The following TEK variants were observed in gnomAD, a reference collection of about 807,000 sequenced individuals.
The protein encoded by TEK is angiopoietin-1 receptor.
TEK carries 43 observed loss-of-function variants against 131.8 expected under a neutral mutation model. The observed-to-expected ratio is 0.33, with a 90% confidence interval of 0.26 to 0.42. The LOEUF is 0.42. TEK is among the 10% of genes least tolerant of loss of function. The pLI is 1.00. For synonymous variants in TEK, 580 were observed against 491.6 expected, an observed-to-expected ratio of 1.18 and a Z score of -2.38; for missense variants, 1,162 against 1,384.4, an observed-to-expected ratio of 0.84 and a Z score of 2.55.
At position 27,168,505 on chromosome 9, in the gene TEK, A is replaced by C. The variant is rs745757561; in HGVS notation, c.375A>C (p.Leu125=). 6.2e-7 allele frequency: 1 copy of C among 1,613,384 alleles called. No individual in the cohort carries two copies. The highest frequency in any genetic ancestry group is 8.5e-7 in the Non-Finnish European group (1 of 1,179,414). The change falls in exon 3 of 23, where the codon CTA becomes CTC. Residue 125 remains leucine (L), a synonymous_variant. Coordinates refer to ENST00000380036, the MANE Select transcript of TEK (RefSeq NM_000459.5). ...TCTCTCTTTTAAAAGCTTCCTTCCTACCAGCTACTTTAACTATGACTGTGG... is the reference window on the plus strand; with the variant it reads ...TCTCTCTTTTAAAAGCTTCCTTCCTCCCAGCTACTTTAACTATGACTGTGG... The part of the protein sequence containing the change: ...TMKMRQQASF[L]PATLTMTVDK...
chr9:27,139,322 A>ATTTTTTTT (rs1158698852), intron 1 of TEK, among the ~76,000 whole-genome samples: 5 of 86,920 alleles, frequency 5.8e-5, no homozygotes, highest in Non-Finnish European at 8.8e-5. Context: ...AGCTTTAACA[A>ATTTTTTTT]TTTTTTTTTT....
chr9:27,201,536 G>A (rs1335119997), intron 12 of TEK, among the ~76,000 whole-genome samples: 2 of 152,094 alleles, frequency 1.3e-5, no homozygotes, highest in Non-Finnish European at 2.9e-5. Context: ...AGAAAGTTAA[G>A]ACATACTGTT....
chr9:27,199,112 ATTT>A (rs1231432922), intron 12 of TEK, among the ~76,000 whole-genome samples: 1 of 152,166 alleles, frequency 6.6e-6, no homozygotes, highest in Non-Finnish European at 1.5e-5. Context: ...ATGTTCTATA[ATTT>A]TAATATCTCT....
chr9:27,113,935 A>G (rs1020791997), intron 1 of TEK, among the ~76,000 whole-genome samples: 7 of 152,156 alleles, frequency 4.6e-5, no homozygotes, highest in African/African-American at 1.7e-4. Flanking sequence ...ATGCTGTTCC[A>G]TCCATTTAGA....
At chr9:27,135,225 T>C (rs1305605985) in intron 1 of TEK, among the ~76,000 whole-genome samples, 1 of 151,990 alleles carries the variant, frequency 6.6e-6, no homozygotes, top group Non-Finnish European at 1.5e-5. Flanking sequence ...CTTTTTTTTT[T>C]TTTTTTGAGA....
In TEK at chr9:27,156,746, A is replaced by G. The variant is rs76518189; in HGVS notation, c.53-1085A>G. The stretch of plus-strand genomic sequence containing the variant: ...GAGTTGCTGAATTTAATGGGTATTC[A>G]ATAAGATAACATGTAGCTTATTTGA... On this transcript the variant is annotated intron_variant, in intron 1 of 22. Transcript: ENST00000380036. 7.2e-5 allele frequency among the ~76,000 whole-genome samples: 11 copies of G among 152,294 alleles called. No individual in the cohort carries two copies. In the East Asian group the frequency reaches 1.5e-3, roughly 21 times the overall value.
chr9:27,115,763 A>C (rs1031171620), intron 1 of TEK, among the ~76,000 whole-genome samples: 1 of 152,176 alleles, frequency 6.6e-6, no homozygotes, highest in African/African-American at 2.4e-5. Context: ...AGAGGGAGCA[A>C]CCTATACAAA....
intron 7 of TEK, among the ~76,000 whole-genome samples, chr9:27,181,551 C>G (rs926871022): frequency 6.6e-6 from 1 of 152,106 alleles, no homozygotes; most frequent in African/African-American, 2.4e-5. Flanking sequence ...TGAGGTTTAT[C>G]TATGTTGTGG....
chr9:27,111,921 T>C (rs1821363046), intron 1 of TEK, among the ~76,000 whole-genome samples: 1 of 139,810 alleles, frequency 7.2e-6, no homozygotes, highest in Non-Finnish European at 1.5e-5. Flanking sequence ...TTTTTTGAGA[T>C]GGAGTCTCGC....
intron 2 of TEK, among the ~76,000 whole-genome samples, chr9:27,163,884 T>C (rs1823629731): frequency 6.6e-6 from 1 of 152,246 alleles, no homozygotes. Context: ...ATCTGTGTTT[T>C]CACTTGTGTA....
chr9:27,158,276 T>A (rs1823416559), intron 2 of TEK, 134 bp downstream of exon 2: 2 of 1,034,952 alleles, frequency 1.9e-6, no homozygotes, highest in Non-Finnish European at 3.0e-6. Flanking sequence ...CCTGTCTCTT[T>A]CCATGCATCA....
chr9:27,171,431 A>G (rs896233264), intron 4 of TEK, among the ~76,000 whole-genome samples: 3 of 152,204 alleles, frequency 2.0e-5, no homozygotes, highest in Admixed American at 1.3e-4. Flanking sequence ...GGATCATAAG[A>G]TAAATCCGTG....
Position 27,197,544 on chromosome 9 carries a change from C to T in TEK, c.1854C>T (p.Asn618=). 3 of 1,614,068 alleles carry T rather than the reference C, an allele frequency of 1.9e-6. No individual in the cohort carries two copies. Among genetic ancestry groups the T allele is most frequent in the Non-Finnish European group, 2.5e-6 (3 of 1,179,998 alleles). Residue 618 remains asparagine, a synonymous_variant, in exon 12 of 23, where the codon AAC becomes AAT. Coordinates refer to ENST00000380036, the MANE Select transcript of TEK (RefSeq NM_000459.5). The part of the protein sequence containing the change: ...REQYVVRARV[N]TKAQGEWSED... ...AGTACGTGGTCCGAGCTAGAGTCAA[C>T]ACCAAGGCCCAGGGGGAATGGAGTG...
chr9:27,143,933 G>A (rs193096758), intron 1 of TEK, among the ~76,000 whole-genome samples: 1 of 152,280 alleles, frequency 6.6e-6, no homozygotes, highest in East Asian at 1.9e-4. Context: ...AGTTGAATGT[G>A]GAGAGAAGAG....
At chr9:27,225,806 C>T (rs1007134276) in intron 21 of TEK, among the ~76,000 whole-genome samples, 2 of 152,154 alleles carry the variant, frequency 1.3e-5, no homozygotes, top group African/African-American at 4.8e-5. Context: ...AGGCAACCTA[C>T]AGAATGGGAG....
At position 27,206,878 on chromosome 9, in the gene TEK, AC is replaced by A. The variant is rs565882564; in HGVS notation, c.2575+87del. On this transcript the variant is annotated intron_variant, in intron 15 of 22. Transcript: ENST00000380036. Reference sequence around the variant, plus strand: ...TGCTCATTCTTTCCTCTATGGTCTTACAAAAAATTGGCATGGTATCAGACAT... The same window carrying A: ...TGCTCATTCTTTCCTCTATGGTCTTAAAAAAATTGGCATGGTATCAGACAT... The A allele has an allele frequency of 2.6e-4, 378 of 1,481,074 alleles. 4 individuals are homozygous for A. In the African/African-American group the frequency reaches 4.2e-3, roughly 16 times the overall value. 91.7% of individuals were successfully genotyped at this position (1,481,074 alleles called of 1,614,324 possible).
chr9:27,168,415 T>A, intron 2 of TEK, 80 bp from the exon 3 acceptor site: 1 of 1,123,174 alleles, frequency 8.9e-7, no homozygotes. Context: ...CAGCCCTCAT[T>A]TTCTGAGTCT....
chr9:27,215,468 G>C (rs575745622), intron 18 of TEK, among the ~76,000 whole-genome samples: 1 of 151,892 alleles, frequency 6.6e-6, no homozygotes, highest in Admixed American at 6.6e-5. Context: ...GTACTTCAAA[G>C]CATCTGCATT....
intron 1 of TEK, among the ~76,000 whole-genome samples, chr9:27,146,766 G>C (rs958277183): frequency 5.7e-4 from 68 of 120,080 alleles, no homozygotes; most frequent in African/African-American, 2.1e-3. Flanking sequence ...GTCTTGCTCT[G>C]TCTCCCAGGC....
Sources: gnomAD v4.1 joint callset for allele counts (sites outside exome capture counted in the v4.1 genomes callset) on GRCh38, gnomAD v4.1.1 for gene constraint, MANE v1.5 for transcripts, NCBI Gene and HGNC (gene_info 2026-07-23, HGNC 2026-07-21) for gene names.